The following BIRC2 variants were observed in gnomAD, a reference collection of about 807,000 sequenced individuals.
The protein encoded by BIRC2 is baculoviral IAP repeat containing 2.
Under a neutral mutation model 60.9 loss-of-function variants are expected in BIRC2, and 18 were observed. That is an observed-to-expected ratio of 0.30 (90% CI 0.20 to 0.44). The LOEUF is 0.44. BIRC2 is among the 20% of genes least tolerant of loss of function. The pLI is 1.00. For missense variants in BIRC2, 701 were observed against 728.5 expected, an observed-to-expected ratio of 0.96 and a Z score of 0.43; for synonymous variants, 282 against 247.7, an observed-to-expected ratio of 1.14 and a Z score of -1.30.
Position 102,364,180 on chromosome 11 carries a change from CACACACAGAG to C in BIRC2, c.1123+466_1123+475del, listed in dbSNP as rs1325912193. On this transcript the variant is annotated intron_variant, in intron 5 of 8. Transcript: ENST00000227758. ...ATATATATATATATATATATACACA[CACACACAGAG>C]AGAGAGAGAGAGAGAGAGAGAGAGA... Among the ~76,000 whole-genome samples the C allele has an allele frequency of 9.1e-4, 67 of 73,982 alleles. 4 individuals are homozygous for C. The highest frequency in any genetic ancestry group is 5.0e-3 in the African/African-American group (64 of 12,742). 48.5% of individuals were successfully genotyped at this position (73,982 alleles called of 152,430 possible).
rs568932074 is a variant in BIRC2 at position 102,348,429 on chromosome 11, T to A, written c.-1257-169T>A. ...GGGAGTATGTTGCATTTACTTATTTTAATTAATAGCTTTTTCATTTAGAAA... is the reference window on the plus strand; with the variant it reads ...GGGAGTATGTTGCATTTACTTATTTAAATTAATAGCTTTTTCATTTAGAAA... On this transcript the variant is annotated intron_variant, in intron 1 of 8. Coordinates refer to ENST00000227758, the MANE Select transcript of BIRC2 (RefSeq NM_001166.5). The A allele has an allele frequency of 4.0e-4, 63 of 158,882 alleles. No individual in the cohort carries two copies. The South Asian group carries it at 9.4e-3, about 24-fold the overall frequency. The allele number at this position is 158,882 out of a possible 1,614,324, so 9.8% of individuals were successfully genotyped here.
At chr11:102,361,840 CT>C (rs11225226) in intron 3 of BIRC2, among the ~76,000 whole-genome samples, 10 of 139,688 alleles carry the variant, frequency 7.2e-5, no homozygotes, top group Non-Finnish European at 7.6e-5. Context: ...GTTATTCTCC[CT>C]TTTTTTTTTT....
At position 102,377,646 on chromosome 11, in the gene BIRC2, C is replaced by T. The variant is rs34510872; in HGVS notation, c.1517C>T (p.Ala506Val). The T allele has an allele frequency of 0.048, 77,128 of 1,610,192 alleles. 2,331 individuals are homozygous for T. The highest frequency in any genetic ancestry group is 0.081 in the Middle Eastern group (489 of 6,048). ...IKQKTQIPLQ[A>V]RELIDTILVK... is the part of the protein sequence containing the mutation. Reference sequence around the variant, plus strand: ...CAAAAAACACAGATACCTTTACAAGCGAGAGAACTGATTGATACCATTTTG... The same window carrying T: ...CAAAAAACACAGATACCTTTACAAGTGAGAGAACTGATTGATACCATTTTG... Residue 506 changes from alanine to valine, a missense_variant, in exon 7 of 9, where the codon GCG (alanine) becomes GTG (valine). By Grantham distance (64) the Ala-to-Val change is moderately conservative. Around this residue, in one of 4 missense-constraint regions of BIRC2, gnomAD observed 235 missense variants for 208.9 expected, o/e 1.12. Transcript: ENST00000227758.
intron 3 of BIRC2, among the ~76,000 whole-genome samples, chr11:102,360,803 A>G (rs1403581185): frequency 1.5e-5 from 2 of 132,930 alleles, no homozygotes; most frequent in Non-Finnish European, 3.5e-5. Flanking sequence ...TTTGTGGGCA[A>G]AGATCTTTGC....
intron 3 of BIRC2, among the ~76,000 whole-genome samples, chr11:102,355,826 T>C (rs1951413665): frequency 2.0e-5 from 3 of 152,230 alleles, no homozygotes; most frequent in South Asian, 2.1e-4. Flanking sequence ...GTTTCTCTTT[T>C]ACCTCCTTGG....
Position 102,375,410 on chromosome 11 carries a change from A to C in BIRC2, c.1367-2086A>C, listed in dbSNP as rs140776044. Among the ~76,000 whole-genome samples, 727 of 152,332 alleles carry C rather than the reference A, an allele frequency of 4.8e-3. 27 individuals carry two copies. The highest frequency in any genetic ancestry group is 7.5e-4 in the Non-Finnish European group (51 of 68,036). ...TTGTAAGTAAAGACAGGAATAACTT[A>C]AGAGTACCTTATTGCATGACCGTGT... On this transcript the variant is annotated intron_variant, in intron 6 of 8. Transcript: ENST00000227758.
chr11:102,364,139 TTA>T (rs371707721), intron 5 of BIRC2, among the ~76,000 whole-genome samples: 1,042 of 61,346 alleles, frequency 0.017, 34 homozygotes, highest in African/African-American at 0.059. Context: ...CTAATAAATA[TTA>T]TATATATATA....
chr11:102,355,554 T>C (rs939635084), intron 3 of BIRC2, among the ~76,000 whole-genome samples: 3 of 152,086 alleles, frequency 2.0e-5, no homozygotes, highest in Non-Finnish European at 4.4e-5. Context: ...ATGCCTCCAG[T>C]TGTTTTTTTT....
intron 3 of BIRC2, among the ~76,000 whole-genome samples, chr11:102,358,964 T>G (rs1306247044): frequency 6.6e-6 from 1 of 152,250 alleles, no homozygotes; most frequent in Non-Finnish European, 1.5e-5. Context: ...ACATTCAAGG[T>G]AACTATTGAT....
At chr11:102,359,605 G>C (rs1277798667) in intron 3 of BIRC2, among the ~76,000 whole-genome samples, 3 of 152,140 alleles carry the variant, frequency 2.0e-5, no homozygotes, top group Non-Finnish European at 4.4e-5. Context: ...CAGCTTTGCT[G>C]GGATACATAT....
At chr11:102,369,822 A>G (rs1342037575) in intron 6 of BIRC2, among the ~76,000 whole-genome samples, 1 of 143,462 alleles carries the variant, frequency 7.0e-6, no homozygotes, top group Non-Finnish European at 1.5e-5. Flanking sequence ...CCTCTCCAGC[A>G]CCTGTTGTTT....
intron 5 of BIRC2, among the ~76,000 whole-genome samples, chr11:102,366,600 C>T (rs909868721): frequency 2.6e-5 from 4 of 151,892 alleles, no homozygotes; most frequent in Non-Finnish European, 5.9e-5. Context: ...TCGATCTCCT[C>T]ACCTCATGAT....
At chr11:102,374,246 G>T (rs2135823885) in intron 6 of BIRC2, among the ~76,000 whole-genome samples, 1 of 151,492 alleles carries the variant, frequency 6.6e-6, no homozygotes, top group African/African-American at 2.4e-5. Context: ...GAGGCGCTCT[G>T]CGTTTTAGAG....
In BIRC2 at chr11:102,350,931, A is replaced by G. The variant is rs1951351639; in HGVS notation, c.983A>G (p.Lys328Arg). The G allele has an allele frequency of 6.2e-7, 1 of 1,613,680 alleles. No individual in the cohort carries two copies. Among genetic ancestry groups the G allele is most frequent in the Non-Finnish European group, 8.5e-7 (1 of 1,179,808 alleles). The change falls in exon 3 of 9, where the codon AAG becomes AGG. Residue 328 changes from lysine (K) to arginine (R), a missense_variant. Lys to Arg is a conservative substitution (Grantham distance 26). Around this residue, in one of 4 missense-constraint regions of BIRC2, gnomAD observed 39 missense variants for 69.8 expected, o/e 0.56. Coordinates refer to ENST00000227758, the MANE Select transcript of BIRC2 (RefSeq NM_001166.5). ...GATGATCCATGGGTAGAACATGCCA[A>G]GTGGTTTCCAAGGTAATTGTTTTGA... The part of the protein sequence containing the change: ...SGDDPWVEHA[K>R]WFPRCEFLIR...
At chr11:102,365,530 A>G (rs1352834596) in intron 5 of BIRC2, among the ~76,000 whole-genome samples, 3 of 152,112 alleles carry the variant, frequency 2.0e-5, no homozygotes, top group African/African-American at 4.8e-5. Flanking sequence ...CAAATCCACT[A>G]CTTGACCTGT....
At chr11:102,352,175 G>A (rs1329273513) in intron 3 of BIRC2, among the ~76,000 whole-genome samples, 3 of 149,404 alleles carry the variant, frequency 2.0e-5, no homozygotes, top group Non-Finnish European at 4.4e-5. Flanking sequence ...GAGCAGTGGC[G>A]CGATCTCGGC....
At chr11:102,377,274 C>T (rs1032257380) in intron 6 of BIRC2, among the ~76,000 whole-genome samples, 2 of 151,998 alleles carry the variant, frequency 1.3e-5, no homozygotes, top group African/African-American at 2.4e-5. Context: ...AAAGTAAAAG[C>T]GGAGTTCTAG....
At chr11:102,376,290 A>C (rs1591544937) in intron 6 of BIRC2, among the ~76,000 whole-genome samples, 1 of 152,344 alleles carries the variant, frequency 6.6e-6, no homozygotes, top group South Asian at 2.1e-4. Context: ...AAGCAAAGCC[A>C]GGAGATAGCT....
chr11:102,369,278 A>C lies in BIRC2; in HGVS notation c.1366+730A>C, dbSNP rs1237657030. 4.8e-5 allele frequency among the ~76,000 whole-genome samples: 7 copies of C among 146,864 alleles called. No homozygotes were observed. The East Asian group carries it at 1.4e-3, about 30-fold the overall frequency. ...CGCTGCACCCACTAACTCATCATCT[A>C]GCATTAGGTATATCTCCCAATGCTA... On this transcript the variant is annotated intron_variant, in intron 6 of 8. Transcript: ENST00000227758.
Sources: gnomAD v4.1 joint callset for allele counts (sites outside exome capture counted in the v4.1 genomes callset) on GRCh38, gnomAD v4.1.1 for gene constraint, gnomAD v4.1.1 regional missense constraint, MANE v1.5 for transcripts, NCBI Gene and HGNC (gene_info 2026-07-23, HGNC 2026-07-21) for gene names.